RNF220: variants seen among roughly 807,000 people sequenced by gnomAD.
RNF220 encodes the protein E3 ubiquitin-protein ligase RNF220.
Under a neutral mutation model 67.1 loss-of-function variants are expected in RNF220, and 7 were observed. The ratio of observed to expected loss-of-function variants is 0.10; its 90% confidence interval spans 0.06 to 0.20. RNF220 has a LOEUF of 0.20. Among genes scored for constraint, RNF220 ranks in the 10% least tolerant of loss-of-function variants. The pLI is 1.00. For missense variants in RNF220, 565 were observed against 740.3 expected, an observed-to-expected ratio of 0.76 and a Z score of 2.75; for synonymous variants, 270 against 283.2, an observed-to-expected ratio of 0.95 and a Z score of 0.47.
intron 2 of RNF220, among the ~76,000 whole-genome samples, chr1:44,462,405 A>G (rs1226051412): frequency 2.0e-5 from 3 of 152,218 alleles, no homozygotes; most frequent in Admixed American, 6.5e-5. Flanking sequence ...ATATGTCGCT[A>G]TAACCAGGAC....
intron 2 of RNF220, among the ~76,000 whole-genome samples, chr1:44,504,651 T>C (rs574968904): frequency 5.3e-5 from 8 of 152,280 alleles, no homozygotes; most frequent in African/African-American, 1.4e-4. Context: ...AGTCCCCTCT[T>C]CCATATCTGA....
chr1:44,416,553 T>G (rs973810511), intron 2 of RNF220, among the ~76,000 whole-genome samples: 8 of 152,348 alleles, frequency 5.3e-5, no homozygotes, highest in Middle Eastern at 3.4e-3. Flanking sequence ...TGACACAGTC[T>G]TTGGCCAGCC....
At chr1:44,411,751 A>C (rs1647987300) in intron 1 of RNF220, among the ~76,000 whole-genome samples, 1 of 152,160 alleles carries the variant, frequency 6.6e-6, no homozygotes, top group African/African-American at 2.4e-5. Flanking sequence ...TTTCACCCAG[A>C]ACGTGTAGGG....
rs1258325791 is a variant in RNF220, at chr1:44,621,949, G to A, written c.759-793G>A. ...ATGTGCGAGCACAGATGTGGCAAGC[G>A]TAGTGGGGGCAGCAGGCAGGGAGGG... On this transcript the variant is annotated intron_variant, in intron 3 of 14. Transcript: ENST00000361799. The surrounding 1 kb of genome is among the most constrained non-coding windows in gnomAD (Gnocchi z 4.8). 6.6e-6 allele frequency among the ~76,000 whole-genome samples: 1 copy of A among 152,218 alleles called. No individual in the cohort carries two copies. The highest frequency in any genetic ancestry group is 1.5e-5 in the Non-Finnish European group (1 of 68,034).
chr1:44,426,690 G>A lies in RNF220; in HGVS notation c.625+13968G>A, dbSNP rs575096697. On this transcript the variant is annotated intron_variant, in intron 2 of 14. Coordinates refer to ENST00000361799, the MANE Select transcript of RNF220 (RefSeq NM_018150.4). ...TGCAGTGAGCCAAGATTGTGCCACT[G>A]CACTCCAGCCTGGGTGACACAGCAA... Among the ~76,000 whole-genome samples, 4 of 147,874 alleles carry A rather than the reference G, an allele frequency of 2.7e-5. No homozygotes were observed. In the East Asian group the frequency reaches 7.8e-4, roughly 29 times the overall value.
At chr1:44,496,635 G>C (rs1657370348) in intron 2 of RNF220, among the ~76,000 whole-genome samples, 1 of 152,198 alleles carries the variant, frequency 6.6e-6, no homozygotes, top group Non-Finnish European at 1.5e-5. Flanking sequence ...TTTCACCCCT[G>C]CCCTTGGCCA....
At chr1:44,441,919 G>T (rs576247976) in intron 2 of RNF220, among the ~76,000 whole-genome samples, 42 of 152,164 alleles carry the variant, frequency 2.8e-4, no homozygotes, top group Non-Finnish European at 5.4e-4. Flanking sequence ...TTACATTGAG[G>T]TTCACATTTT....
At chr1:44,605,515 G>C (rs1402965767) in intron 2 of RNF220, among the ~76,000 whole-genome samples, 1 of 152,064 alleles carries the variant, frequency 6.6e-6, no homozygotes, top group Non-Finnish European at 1.5e-5. Flanking sequence ...TCTCACTTTG[G>C]GCTATGCATT....
intron 2 of RNF220, among the ~76,000 whole-genome samples, chr1:44,514,294 G>A (rs6704115): frequency 0.33 from 50,608 of 152,142 alleles, 9,639 homozygotes; most frequent in East Asian, 0.6. Context: ...GGACAGCTGC[G>A]ATGTTGGAAG....
intron 2 of RNF220, among the ~76,000 whole-genome samples, chr1:44,539,254 C>G (rs1352307886): frequency 4.6e-5 from 7 of 152,002 alleles, no homozygotes; most frequent in African/African-American, 1.7e-4. Flanking sequence ...AGTTCTATTC[C>G]TATGGTTCGC....
chr1:44,417,144 A>G lies in RNF220; in HGVS notation c.625+4422A>G, dbSNP rs1160620234. Among the ~76,000 whole-genome samples the G allele has an allele frequency of 1.3e-5, 2 of 152,132 alleles. No homozygotes were observed. The highest frequency in any genetic ancestry group is 4.8e-5 in the African/African-American group (2 of 41,426). On this transcript the variant is annotated intron_variant, in intron 2 of 14. Coordinates refer to ENST00000361799, the MANE Select transcript of RNF220 (RefSeq NM_018150.4). The surrounding 1 kb of genome is among the most constrained non-coding windows in gnomAD (Gnocchi z 4.0). Reference sequence around the variant, plus strand: ...CACCTCTGGGTTGCAGCTGGGACAGATGACCACTGGGAAAGGGTCAGCAAA... The same window carrying G: ...CACCTCTGGGTTGCAGCTGGGACAGGTGACCACTGGGAAAGGGTCAGCAAA...
chr1:44,632,400 G>GA lies in RNF220; in HGVS notation c.949+15_949+16insA. Reference sequence around the variant, plus strand: ...CCGACTGAATGGTGAGTCCTGCCCGGCCCCTCCCTCCGCCCCACCCCCGGC... The same window carrying GA: ...CCGACTGAATGGTGAGTCCTGCCCGGACCCCTCCCTCCGCCCCACCCCCGGC... On this transcript the variant is annotated intron_variant, in intron 6 of 14. Transcript: ENST00000361799. 1 of 1,607,452 alleles carries GA rather than the reference G, an allele frequency of 6.2e-7. No individual in the cohort carries two copies. The highest frequency in any genetic ancestry group is 1.1e-5 in the South Asian group (1 of 90,838).
chr1:44,603,371 T>G (rs560842207), intron 2 of RNF220, among the ~76,000 whole-genome samples: 1 of 152,178 alleles, frequency 6.6e-6, no homozygotes, highest in Admixed American at 6.5e-5. Flanking sequence ...GCCCCCACCT[T>G]GGCCCCGGGC....
intron 2 of RNF220, among the ~76,000 whole-genome samples, chr1:44,483,161 G>T (rs1216409067): frequency 6.6e-6 from 1 of 151,952 alleles, no homozygotes; most frequent in Non-Finnish European, 1.5e-5. Flanking sequence ...AAACTCCTGG[G>T]TTCAAGCCAT....
rs994219266 is a variant in RNF220 at position 44,423,817 on chromosome 1, A to G, written c.625+11095A>G. The stretch of plus-strand genomic sequence containing the variant: ...TGGCAAAGTTTCCTCTGGGAGGTGC[A>G]TTGCTCAGGCTTGACTTTCGCGAGG... On this transcript the variant is annotated intron_variant, in intron 2 of 14. Coordinates refer to ENST00000361799, the MANE Select transcript of RNF220 (RefSeq NM_018150.4). 5.1e-6 allele frequency: 5 copies of G among 984,782 alleles called. No homozygotes were observed. The African/African-American group carries it at 7.0e-5, about 14-fold the overall frequency. 61.0% of individuals were successfully genotyped at this position (984,782 alleles called of 1,614,324 possible). A position where few individuals can be genotyped will look rare whatever the true frequency, so the allele number is the denominator to read the frequency against.
intron 2 of RNF220, among the ~76,000 whole-genome samples, chr1:44,531,515 A>G (rs548338052): frequency 1.1e-4 from 16 of 152,240 alleles, no homozygotes; most frequent in Non-Finnish European, 2.2e-4. Flanking sequence ...CTGTAAGAGC[A>G]CAGAGGCCAA....
At chr1:44,553,916 C>T (rs567912706) in intron 2 of RNF220, among the ~76,000 whole-genome samples, 27 of 152,290 alleles carry the variant, frequency 1.8e-4, no homozygotes, top group East Asian at 5.8e-4. Context: ...GCTATGACCA[C>T]GGCTGCAGGA....
chr1:44,413,668 C>T (rs184630344), intron 2 of RNF220, among the ~76,000 whole-genome samples: 2 of 152,296 alleles, frequency 1.3e-5, no homozygotes, highest in Non-Finnish European at 1.5e-5. Context: ...GTTTTTTCCA[C>T]GCAACCCTTT....
At position 44,636,614 on chromosome 1, in the gene RNF220, C is replaced by G. The variant is rs1242473531; in HGVS notation, c.1126+452C>G. 18 of 598,252 alleles carry G rather than the reference C, an allele frequency of 3.0e-5. No homozygotes were observed. In the Admixed American group the frequency reaches 5.2e-4, roughly 17 times the overall value. 37.1% of individuals were successfully genotyped at this position (598,252 alleles called of 1,614,324 possible). On this transcript the variant is annotated intron_variant, in intron 8 of 14. Coordinates refer to ENST00000361799, the MANE Select transcript of RNF220 (RefSeq NM_018150.4). ...GGATTTTCCTCCTCCTCCTCTTCAG[C>G]CCTATGTCAGGGAAATCAGTTACAG...
Sources: gnomAD v4.1 joint callset for allele counts (sites outside exome capture counted in the v4.1 genomes callset) on GRCh38, gnomAD v4.1.1 for gene constraint, Gnocchi (gnomAD v3.1) non-coding constraint, MANE v1.5 for transcripts, NCBI Gene and HGNC (gene_info 2026-07-23, HGNC 2026-07-21) for gene names.